The following RYR2 variants were observed in gnomAD, a reference collection of about 807,000 sequenced individuals.
RYR2 encodes ryanodine receptor 2, also known as cardiac muscle ryanodine receptor-calcium release channel.
RYR2 carries 227 observed loss-of-function variants against 601.1 expected under a neutral mutation model. The observed-to-expected ratio is 0.38, with a 90% CI of 0.34 to 0.42. The LOEUF (loss-of-function observed/expected upper bound fraction) is 0.42, where lower values mean the gene tolerates loss of function less well. Ranked by LOEUF, RYR2 falls within the 10% of genes least tolerant of loss-of-function variation. RYR2 has a pLI of 1.00. For missense variants in RYR2, 4,646 were observed against 6,156.5 expected (o/e 0.75, Z 8.21); for synonymous variants, 2,223 against 2,175.1 (o/e 1.02, Z -0.61).
chr1:237,762,965 A>C (rs747844136), intron 84 of RYR2, among the ~76,000 whole-genome samples: 9 of 152,064 alleles, frequency 5.9e-5, no homozygotes, highest in Admixed American at 2.0e-4. Flanking sequence ...ATTTGTTGTT[A>C]GCTTTGTGTA....
intron 87 of RYR2, among the ~76,000 whole-genome samples, chr1:237,777,816 C>CT (rs1209680666): frequency 6.6e-6 from 1 of 152,172 alleles, no homozygotes; most frequent in African/African-American, 2.4e-5. Context: ...TACCAGAACA[C>CT]TAATGGTTCA....
intron 84 of RYR2, among the ~76,000 whole-genome samples, chr1:237,764,616 T>C (rs1197752033): frequency 6.6e-6 from 1 of 151,716 alleles, no homozygotes; most frequent in Non-Finnish European, 1.5e-5. Context: ...TTGGCTAATT[T>C]TTGTATTTTT....
At chr1:237,466,334 T>A (rs541147342) in intron 16 of RYR2, among the ~76,000 whole-genome samples, 3 of 151,858 alleles carry the variant, frequency 2.0e-5, no homozygotes, top group East Asian at 1.9e-4. Context: ...CCTGGAAAAA[T>A]TTTTTAAAAA....
intron 1 of RYR2, among the ~76,000 whole-genome samples, chr1:237,088,975 C>T (rs904338288): frequency 6.6e-6 from 1 of 152,124 alleles, no homozygotes; most frequent in African/African-American, 2.4e-5. Context: ...CTTTTCTATT[C>T]CCGAATAACA....
chr1:237,491,555 G>C (rs185137047), intron 17 of RYR2, among the ~76,000 whole-genome samples: 1 of 152,298 alleles, frequency 6.6e-6, no homozygotes, highest in Non-Finnish European at 1.5e-5. Context: ...AGCGTTACCG[G>C]CTTCCTCTGC....
At chr1:237,189,897 G>C (rs1455197537) in intron 1 of RYR2, among the ~76,000 whole-genome samples, 2 of 147,986 alleles carry the variant, frequency 1.4e-5, no homozygotes, top group Admixed American at 1.3e-4. Context: ...TTTTGAGACA[G>C]AGTTTCACTT....
intron 20 of RYR2, among the ~76,000 whole-genome samples, chr1:237,499,089 T>C (rs1248627350): frequency 6.6e-6 from 1 of 152,180 alleles, no homozygotes; most frequent in African/African-American, 2.4e-5. Flanking sequence ...TAATGGTTGA[T>C]GTACAATTTG....
chr1:237,200,177 C>T (rs1211331176), intron 1 of RYR2, among the ~76,000 whole-genome samples: 1 of 152,152 alleles, frequency 6.6e-6, no homozygotes, highest in East Asian at 1.9e-4. Flanking sequence ...CTACCTTCAC[C>T]AGGCTATGCT....
In RYR2 at chr1:237,298,151, G is replaced by A. The variant is rs79422840; in HGVS notation, c.168+27535G>A. Among the ~76,000 whole-genome samples, 592 of 152,150 alleles carry A rather than the reference G, an allele frequency of 3.9e-3. 6 individuals are homozygous for A. Among genetic ancestry groups the A allele is most frequent in the African/African-American group, 0.013 (550 of 41,518 alleles). On this transcript the variant is annotated intron_variant, in intron 2 of 104. Coordinates refer to ENST00000366574, the MANE Select transcript of RYR2 (RefSeq NM_001035.3). ...TTACATCATTCTCTTAACCAACCACGTTATTCTTTGTCATCGTCACTCATT... is the reference window on the plus strand; with the variant it reads ...TTACATCATTCTCTTAACCAACCACATTATTCTTTGTCATCGTCACTCATT...
At chr1:237,187,250 G>A (rs996326745) in intron 1 of RYR2, among the ~76,000 whole-genome samples, 1 of 148,588 alleles carries the variant, frequency 6.7e-6, no homozygotes, top group Non-Finnish European at 1.5e-5. Flanking sequence ...AGCTCACTGC[G>A]ACCTCTGCTT....
intron 92 of RYR2, among the ~76,000 whole-genome samples, chr1:237,790,052 T>C (rs1658187810): frequency 6.6e-6 from 1 of 152,232 alleles, no homozygotes; most frequent in Non-Finnish European, 1.5e-5. Context: ...GTGTTACATT[T>C]TGATGTAGCT....
chr1:237,808,304 C>CAA (rs1660864105), intron 99 of RYR2, among the ~76,000 whole-genome samples: 1 of 152,102 alleles, frequency 6.6e-6, no homozygotes, highest in Non-Finnish European at 1.5e-5. Flanking sequence ...AAATAATTTA[C>CAA]AGTCATAACA....
intron 1 of RYR2, among the ~76,000 whole-genome samples, chr1:237,148,855 C>T (rs992332889): frequency 4.6e-5 from 7 of 151,978 alleles, no homozygotes; most frequent in Non-Finnish European, 7.4e-5. Flanking sequence ...ATTTTATTGT[C>T]GTTGGAATTG....
chr1:237,296,812 C>A (rs1692826055), intron 2 of RYR2, among the ~76,000 whole-genome samples: 1 of 152,264 alleles, frequency 6.6e-6, no homozygotes, highest in Non-Finnish European at 1.5e-5. Flanking sequence ...AGGAGAATGA[C>A]CTGCAAAGCA....
chr1:237,699,391 T>C lies in RYR2; in HGVS notation c.9128+366T>C, dbSNP rs145813805. Among the ~76,000 whole-genome samples the C allele has an allele frequency of 2.6e-5, 4 of 152,190 alleles. No homozygotes were observed. The East Asian group carries it at 7.7e-4, about 29-fold the overall frequency. ...ACATTTGGCTTTTTAGGAAACAGAG[T>C]TTTATTCTCATTTTACAGATGAATA... On this transcript the variant is annotated intron_variant, in intron 64 of 104. Coordinates refer to ENST00000366574, the MANE Select transcript of RYR2 (RefSeq NM_001035.3).
chr1:237,142,455 C>T (rs776320055), intron 1 of RYR2, among the ~76,000 whole-genome samples: 122 of 152,304 alleles, frequency 8.0e-4, no homozygotes, highest in African/African-American at 2.2e-3. Flanking sequence ...AAGAACACTT[C>T]TGGGGCTTGG....
At chr1:237,395,432 C>A (rs1373317367) in intron 10 of RYR2, among the ~76,000 whole-genome samples, 1 of 151,024 alleles carries the variant, frequency 6.6e-6, no homozygotes, top group Non-Finnish European at 1.5e-5. Flanking sequence ...GTGACTGTAA[C>A]TATTTTTCAG....
chr1:237,820,759 G>A (rs1014649778), intron 101 of RYR2, among the ~76,000 whole-genome samples: 6 of 152,176 alleles, frequency 3.9e-5, no homozygotes, highest in Non-Finnish European at 5.9e-5. Flanking sequence ...AGCCCAGCAC[G>A]CGAAGATCCA....
intron 101 of RYR2, among the ~76,000 whole-genome samples, chr1:237,820,796 C>G (rs1315462710): frequency 6.6e-6 from 1 of 152,016 alleles, no homozygotes; most frequent in African/African-American, 2.4e-5. Flanking sequence ...GCTGCCAGCA[C>G]AGCGGTCTGA....
Sources: allele counts gnomAD v4.1 joint callset (sites outside exome capture counted in the v4.1 genomes callset), GRCh38; gene constraint gnomAD v4.1.1; transcripts MANE v1.5; gene names NCBI Gene and HGNC (gene_info 2026-07-23, HGNC 2026-07-21).